CNTN5: variants seen among roughly 807,000 people sequenced by gnomAD.
CNTN5 encodes the protein contactin 5.
In CNTN5, 77 loss-of-function variants were observed where a neutral mutation model predicts 129.1. The observed-to-expected ratio is 0.60, with a 90% CI of 0.50 to 0.72. The LOEUF is 0.72. Ranked by LOEUF, CNTN5 falls within the 30% of genes least tolerant of loss-of-function variation. The pLI, the probability that CNTN5 is intolerant of heterozygous loss-of-function variation, is 0.00. For synonymous variants in CNTN5, 509 were observed against 465.6 expected, an observed-to-expected ratio of 1.09 and a Z score of -1.20; for missense variants, 1,478 against 1,328.8, an observed-to-expected ratio of 1.11 and a Z score of -1.75.
chr11:99,611,005 C>CAAAATA (rs1950577561), intron 3 of CNTN5, among the ~76,000 whole-genome samples: 1 of 152,076 alleles, frequency 6.6e-6, no homozygotes, highest in South Asian at 2.1e-4. Context: ...TGTAGTTGAG[C>CAAAATA]CTTCATGGTA....
intron 1 of CNTN5, among the ~76,000 whole-genome samples, chr11:99,127,373 C>T (rs1163011574): frequency 6.6e-6 from 1 of 152,162 alleles, no homozygotes; most frequent in Non-Finnish European, 1.5e-5. Context: ...TATATATTTT[C>T]AACTACAACT....
intron 3 of CNTN5, among the ~76,000 whole-genome samples, chr11:99,580,289 C>A (rs1037015672): frequency 6.6e-6 from 1 of 152,064 alleles, no homozygotes; most frequent in East Asian, 1.9e-4. Context: ...GTCTAAAATT[C>A]TCTTTTTTTG....
At position 100,030,167 on chromosome 11, in the gene CNTN5, G is replaced by C. The variant is rs531750581; in HGVS notation, c.980+28031G>C. Among the ~76,000 whole-genome samples, 6 of 151,974 alleles carry C rather than the reference G, an allele frequency of 3.9e-5. No homozygotes were observed. The South Asian group carries it at 1.2e-3, about 32-fold the overall frequency. On this transcript the variant is annotated intron_variant, in intron 9 of 24. Coordinates refer to ENST00000524871, the MANE Select transcript of CNTN5 (RefSeq NM_014361.4). The stretch of plus-strand genomic sequence containing the variant: ...CAGTAGGAGAATCACTTGAGGCCTG[G>C]CGTTCAAGACCATCCTGGGCAATAT...
chr11:99,199,574 G>A (rs1032241222), intron 1 of CNTN5, among the ~76,000 whole-genome samples: 3 of 152,136 alleles, frequency 2.0e-5, no homozygotes, highest in Non-Finnish European at 4.4e-5. Context: ...CATGGACTGT[G>A]TTCAGCTCTG....
intron 10 of CNTN5, 109 bp from the exon 11 acceptor site, chr11:100,070,315 G>T: frequency 2.6e-6 from 3 of 1,151,772 alleles, no homozygotes; most frequent in Non-Finnish European, 3.6e-6. Flanking sequence ...ACCTATGGTT[G>T]AATGAATTGC....
intron 3 of CNTN5, among the ~76,000 whole-genome samples, chr11:99,735,910 A>G (rs989979370): frequency 4.6e-5 from 7 of 152,134 alleles, no homozygotes; most frequent in Non-Finnish European, 1.0e-4. Flanking sequence ...AACTTTGTAC[A>G]CCTTGACCAC....
intron 3 of CNTN5, among the ~76,000 whole-genome samples, chr11:99,729,340 T>A (rs1474488446): frequency 6.6e-6 from 1 of 152,062 alleles, no homozygotes. Context: ...CATGTTAAGG[T>A]TTGTTATATA....
chr11:99,136,905 C>T (rs371210404), intron 1 of CNTN5, among the ~76,000 whole-genome samples: 1 of 151,990 alleles, frequency 6.6e-6, no homozygotes, highest in South Asian at 2.1e-4. Context: ...CTGAATTAGA[C>T]TCCCATATGG....
intron 4 of CNTN5, among the ~76,000 whole-genome samples, chr11:99,843,985 T>G (rs1947599662): frequency 6.6e-6 from 1 of 152,226 alleles, no homozygotes; most frequent in Non-Finnish European, 1.5e-5. Flanking sequence ...GTACATTTGC[T>G]CATCATTTCT....
chr11:100,292,718 G>C (rs1156858849), intron 18 of CNTN5, among the ~76,000 whole-genome samples: 1 of 151,954 alleles, frequency 6.6e-6, no homozygotes, highest in Non-Finnish European at 1.5e-5. Context: ...TTTTAAGACA[G>C]CATTACTTGT....
chr11:99,403,008 C>CT (rs56376015), intron 2 of CNTN5, among the ~76,000 whole-genome samples: 32,083 of 140,552 alleles, frequency 0.23, 4,790 homozygotes, highest in Non-Finnish European at 0.33. Context: ...TGTTAAACTT[C>CT]TTTTTTTTTT....
rs116374781 is a variant in CNTN5 at position 99,138,260 on chromosome 11, T to C, written c.-210+116990T>C. On this transcript the variant is annotated intron_variant, in intron 1 of 24. Coordinates refer to ENST00000524871, the MANE Select transcript of CNTN5 (RefSeq NM_014361.4). ...ATTAGCATTTTTAAAATTTAACAGC[T>C]TTAGATTTTTTTCCTTTTCTTATTG... Among the ~76,000 whole-genome samples, 1,286 of 152,280 alleles carry C rather than the reference T, an allele frequency of 8.4e-3. 22 individuals are homozygous for C. Among genetic ancestry groups the C allele is most frequent in the African/African-American group, 0.029 (1,194 of 41,554 alleles).
intron 15 of CNTN5, among the ~76,000 whole-genome samples, chr11:100,197,214 G>A (rs181743904): frequency 2.0e-4 from 31 of 151,934 alleles, no homozygotes; most frequent in African/African-American, 7.5e-4. Flanking sequence ...ACCAGTGAGG[G>A]TGTATAGTAG....
intron 3 of CNTN5, among the ~76,000 whole-genome samples, chr11:99,662,421 G>A (rs1044587997): frequency 3.9e-5 from 6 of 152,060 alleles, no homozygotes; most frequent in South Asian, 2.1e-4. Context: ...TAATGTTATC[G>A]AAATTTCATT....
At chr11:99,825,952 T>C (rs1056777536) in intron 4 of CNTN5, among the ~76,000 whole-genome samples, 1 of 152,270 alleles carries the variant, frequency 6.6e-6, no homozygotes. Context: ...TCTTTTCAAA[T>C]GTGCAAAATC....
intron 4 of CNTN5, among the ~76,000 whole-genome samples, chr11:99,831,419 G>C (rs933856925): frequency 3.3e-5 from 5 of 152,182 alleles, no homozygotes; most frequent in Admixed American, 1.3e-4. Flanking sequence ...TCGAAGTATT[G>C]CTTGTGTGAC....
chr11:99,612,147 A>G (rs1363898558), intron 3 of CNTN5, among the ~76,000 whole-genome samples: 1 of 152,168 alleles, frequency 6.6e-6, no homozygotes, highest in African/African-American at 2.4e-5. Context: ...TATTATTTAG[A>G]CCATCCCTAC....
intron 1 of CNTN5, among the ~76,000 whole-genome samples, chr11:99,054,156 A>G (rs1319045949): frequency 6.6e-6 from 1 of 151,976 alleles, no homozygotes; most frequent in East Asian, 1.9e-4. Context: ...AACCCTTGAG[A>G]GTCTGGAATC....
chr11:99,706,349 A>T (rs1565445702), intron 3 of CNTN5, among the ~76,000 whole-genome samples: 1 of 151,314 alleles, frequency 6.6e-6, no homozygotes, highest in East Asian at 2.0e-4. Context: ...TATGTTCCCT[A>T]CTCTATTATA....
Sources: gnomAD v4.1 joint callset for allele counts (sites outside exome capture counted in the v4.1 genomes callset) on GRCh38, gnomAD v4.1.1 for gene constraint, MANE v1.5 for transcripts, NCBI Gene and HGNC (gene_info 2026-07-23, HGNC 2026-07-21) for gene names.